The following AGAP1 variants were observed in gnomAD, a reference collection of about 807,000 sequenced individuals.
AGAP1 encodes ArfGAP with GTPase domain, ankyrin repeat and PH domain 1.
AGAP1 carries 29 observed loss-of-function variants against 105.3 expected under a neutral mutation model. That is an observed-to-expected ratio of 0.28 (90% CI 0.21 to 0.38). The LOEUF is 0.38. AGAP1 is among the 10% of genes least tolerant of loss of function. The pLI, the probability that AGAP1 is intolerant of heterozygous loss-of-function variation, is 1.00. For missense variants in AGAP1, 998 were observed against 1,165.1 expected, an observed-to-expected ratio of 0.86 and a Z score of 2.09; for synonymous variants, 509 against 485.9, an observed-to-expected ratio of 1.05 and a Z score of -0.63.
intron 8 of AGAP1, among the ~76,000 whole-genome samples, chr2:235,804,359 AC>A (rs1461274594): frequency 2.0e-5 from 3 of 152,264 alleles, no homozygotes; most frequent in Non-Finnish European, 4.4e-5. Flanking sequence ...GCACCCAGGA[AC>A]CAAAGATTGT....
rs925529873 is a variant in AGAP1, at chr2:235,893,327, A to G, written c.1155+9878A>G. On this transcript the variant is annotated intron_variant, in intron 10 of 17. Coordinates refer to ENST00000304032, the MANE Select transcript of AGAP1 (RefSeq NM_001037131.3). The surrounding 1 kb of genome is among the most constrained non-coding windows in gnomAD (Gnocchi z 4.7). Reference sequence around the variant, plus strand: ...GGCGCAGGTGTGCCGTGTCTGTGGCATGGGTGTGGCTTGTCTGTGGTGTGG... The same window carrying G: ...GGCGCAGGTGTGCCGTGTCTGTGGCGTGGGTGTGGCTTGTCTGTGGTGTGG... Among the ~76,000 whole-genome samples, 2 of 143,172 alleles carry G rather than the reference A, an allele frequency of 1.4e-5. No individual in the cohort carries two copies. Among genetic ancestry groups the G allele is most frequent in the African/African-American group, 5.3e-5 (2 of 37,834 alleles). 93.9% of individuals were successfully genotyped at this position (143,172 alleles called of 152,430 possible). A position where few individuals can be genotyped will look rare whatever the true frequency, so the allele number is the denominator to read the frequency against.
At chr2:236,043,652 C>T (rs1292190267) in intron 15 of AGAP1, among the ~76,000 whole-genome samples, 4 of 149,280 alleles carry the variant, frequency 2.7e-5, no homozygotes, top group African/African-American at 9.9e-5. Context: ...ACTCGAGAGG[C>T]GGAGTTTGCA....
chr2:235,681,803 TG>T (rs1949085875), intron 1 of AGAP1, among the ~76,000 whole-genome samples: 1 of 151,492 alleles, frequency 6.6e-6, no homozygotes. Flanking sequence ...GTTTTTCACG[TG>T]TGTATACCTA....
At chr2:235,547,918 A>G (rs1202759366) in intron 1 of AGAP1, among the ~76,000 whole-genome samples, 1 of 152,200 alleles carries the variant, frequency 6.6e-6, no homozygotes, top group African/African-American at 2.4e-5. Context: ...TGTGCGTTGA[A>G]CAGAAAAGAG....
intron 16 of AGAP1, among the ~76,000 whole-genome samples, chr2:236,068,652 T>C (rs1156467236): frequency 7.3e-6 from 1 of 137,500 alleles, no homozygotes; most frequent in Non-Finnish European, 1.6e-5. Flanking sequence ...TACAAAAAAT[T>C]AGCCGGGCGT....
At chr2:235,629,268 TTGTGTGTGTGTGTGTGTGTGTG>T (rs60059513) in intron 1 of AGAP1, among the ~76,000 whole-genome samples, 36 of 135,816 alleles carry the variant, frequency 2.7e-4, no homozygotes, top group African/African-American at 6.7e-4. Flanking sequence ...GTAGTAGTCA[TTGTGTGTGTGTGTGTGTGTGTG>T]TGTGTGTGTG....
rs184824252 is a variant in AGAP1, at chr2:235,711,126, C to T, written c.222+1889C>T. 3.9e-5 allele frequency among the ~76,000 whole-genome samples: 6 copies of T among 152,364 alleles called. No individual in the cohort carries two copies. In the East Asian group the frequency reaches 5.8e-4, roughly 15 times the overall value. ...TCTCGACGGTAAAAACCTCCTGCGT[C>T]TGCACTGCCCAGTGCCGTCACGGCT... is the stretch of plus-strand genomic sequence containing the variant. On this transcript the variant is annotated intron_variant, in intron 2 of 17. Transcript: ENST00000304032.
chr2:235,732,912 C>G lies in AGAP1; in HGVS notation c.311-8051C>G, dbSNP rs575700294. Among the ~76,000 whole-genome samples, 1 of 152,196 alleles carries G rather than the reference C, an allele frequency of 6.6e-6. No individual in the cohort carries two copies. Among genetic ancestry groups the G allele is most frequent in the Admixed American group, 6.5e-5 (1 of 15,282 alleles). ...CCAGACCTCAGCCACCTCCCCCAGCCAGCCCCAGGGGTGTTGGGGGCATCT... is the reference window on the plus strand; with the variant it reads ...CCAGACCTCAGCCACCTCCCCCAGCGAGCCCCAGGGGTGTTGGGGGCATCT... On this transcript the variant is annotated intron_variant, in intron 3 of 17. Coordinates refer to ENST00000304032, the MANE Select transcript of AGAP1 (RefSeq NM_001037131.3). This position sits in a 1 kb window ranked among gnomAD's most constrained non-coding sequence, Gnocchi z 4.8.
intron 1 of AGAP1, among the ~76,000 whole-genome samples, chr2:235,514,165 CA>C: frequency 1.4e-4 from 2 of 14,166 alleles, no homozygotes; most frequent in Admixed American, 1.2e-3. Flanking sequence ...CGCGCGCGCA[CA>C]CACACACACA....
chr2:235,817,593 G>T (rs1321555104), intron 9 of AGAP1, among the ~76,000 whole-genome samples: 1 of 152,090 alleles, frequency 6.6e-6, no homozygotes. Flanking sequence ...AGGCATAGAA[G>T]AGTTTGTTAG....
chr2:235,743,624 A>G (rs905451521), intron 4 of AGAP1, among the ~76,000 whole-genome samples: 2 of 152,160 alleles, frequency 1.3e-5, no homozygotes, highest in African/African-American at 4.8e-5. Flanking sequence ...TACCATGTAC[A>G]TGTTTTACAT....
chr2:235,802,775 G>A (rs796550034), intron 8 of AGAP1, among the ~76,000 whole-genome samples: 12 of 129,088 alleles, frequency 9.3e-5, no homozygotes, highest in Admixed American at 7.1e-4. Flanking sequence ...TGTGATGATG[G>A]TTGTGGTTGT....
At chr2:236,070,040 A>G (rs1464250263) in intron 16 of AGAP1, among the ~76,000 whole-genome samples, 1 of 152,244 alleles carries the variant, frequency 6.6e-6, no homozygotes, top group Non-Finnish European at 1.5e-5. Flanking sequence ...GTCCACTGTC[A>G]GTGGCGCCTA....
Position 236,120,325 on chromosome 2 carries a change from C to G in AGAP1, c.2248C>G (p.Leu750Val). ...CGACGAGGACCTGCGGACGGCCATC[C>G]TGCTGCTGGCACACGGCTCCCGGGA... ...TADEDLRTAI[L>V]LLAHGSRDEV... Residue 750 changes from leucine (L) to valine (V), a missense_variant, in exon 17 of 18, where the codon CTG (leucine) becomes GTG (valine). Leu to Val is a conservative substitution (Grantham distance 32). Transcript: ENST00000304032. The surrounding 1 kb of genome is among the most constrained non-coding windows in gnomAD (Gnocchi z 6.0). The G allele has an allele frequency of 3.1e-6, 5 of 1,612,456 alleles. No homozygotes were observed. The highest frequency in any genetic ancestry group is 4.2e-6 in the Non-Finnish European group (5 of 1,179,676).
intron 13 of AGAP1, among the ~76,000 whole-genome samples, chr2:236,004,703 ACTT>A (rs1359434852): frequency 2.0e-5 from 3 of 152,234 alleles, no homozygotes; most frequent in South Asian, 2.1e-4. Flanking sequence ...ATTCAATAGT[ACTT>A]CTTTCAGTCA....
chr2:235,522,176 A>T (rs1383818721), intron 1 of AGAP1, among the ~76,000 whole-genome samples: 1 of 152,184 alleles, frequency 6.6e-6, no homozygotes, highest in African/African-American at 2.4e-5. Context: ...AAACGTCAGT[A>T]AACATTGTTC....
chr2:235,780,145 C>T (rs73996374), intron 6 of AGAP1, among the ~76,000 whole-genome samples: 2,763 of 152,198 alleles, frequency 0.018, 72 homozygotes, highest in African/African-American at 0.063. Context: ...CTCCTGTTTT[C>T]ACCATTTCTT....
intron 1 of AGAP1, among the ~76,000 whole-genome samples, chr2:235,589,198 T>G (rs866708082): frequency 2.4e-3 from 211 of 87,458 alleles, no homozygotes; most frequent in South Asian, 4.9e-3. Flanking sequence ...TGTTTTGTTT[T>G]TTTTTTTTTT....
chr2:235,583,376 G>A (rs970867338), intron 1 of AGAP1, among the ~76,000 whole-genome samples: 6 of 151,960 alleles, frequency 3.9e-5, no homozygotes, highest in Admixed American at 6.5e-5. Flanking sequence ...CCCTGCCTGC[G>A]TTGGTCTCAC....
Sources: allele counts gnomAD v4.1 joint callset (sites outside exome capture counted in the v4.1 genomes callset), GRCh38; gene constraint gnomAD v4.1.1; non-coding constraint Gnocchi (gnomAD v3.1); transcripts MANE v1.5; gene names NCBI Gene and HGNC (gene_info 2026-07-23, HGNC 2026-07-21).